ELAPOR2: variants seen among roughly 807,000 people sequenced by gnomAD.
The protein encoded by ELAPOR2 is endosome/lysosome-associated apoptosis and autophagy regulator family member 2.
In ELAPOR2, 89 loss-of-function variants were observed where a neutral mutation model predicts 120.7. The ratio of observed to expected loss-of-function variants is 0.74; its 90% CI spans 0.62 to 0.88. The LOEUF (loss-of-function observed/expected upper bound fraction) is 0.88, where lower values mean the gene tolerates loss of function less well. Ranked by LOEUF, ELAPOR2 falls within the 40% of genes least tolerant of loss-of-function variation. The pLI, the probability that ELAPOR2 is intolerant of heterozygous loss-of-function variation, is 0.00. For synonymous variants in ELAPOR2, 444 were observed against 444.9 expected (o/e 1.00, Z 0.03); for missense variants, 1,134 against 1,251.6 (o/e 0.91, Z 1.42).
chr7:87,014,177 G>A (rs983243249), intron 1 of ELAPOR2, among the ~76,000 whole-genome samples: 1 of 152,046 alleles, frequency 6.6e-6, no homozygotes, highest in African/African-American at 2.4e-5. Flanking sequence ...GCTGTTGGCT[G>A]TGAGTTCAAC....
At chr7:86,905,780 A>AC (rs1365161313) in intron 18 of ELAPOR2, among the ~76,000 whole-genome samples, 1 of 152,130 alleles carries the variant, frequency 6.6e-6, no homozygotes, top group Non-Finnish European at 1.5e-5. Context: ...CCAGAAATTA[A>AC]TTTTTTAAAT....
rs780520790 is a variant in ELAPOR2, at chr7:86,919,288, ATG to A, written c.1420_1421del (p.His474TyrfsTer9). 1 of 1,610,308 alleles carries A rather than the reference ATG, an allele frequency of 6.2e-7. No homozygotes were observed. Among genetic ancestry groups the A allele is most frequent in the Non-Finnish European group, 8.5e-7 (1 of 1,177,768 alleles). On this transcript the variant is annotated frameshift_variant, in exon 11 of 22. Transcript: ENST00000450689. LOFTEE classifies it high-confidence loss of function. Reference sequence around the variant, plus strand: ...CAGAACCTCCAGCCCCACTCTGGATATGATCTCCAGCCACCTCCCAACCTAGA... The same window carrying A: ...CAGAACCTCCAGCCCCACTCTGGATAATCTCCAGCCACCTCCCAACCTAGA... ...GMNGWEVAGD[H>X]IQSGAGGSDN...
intron 1 of ELAPOR2, among the ~76,000 whole-genome samples, chr7:87,030,090 G>C (rs569739252): frequency 6.6e-6 from 1 of 152,244 alleles, no homozygotes; most frequent in African/African-American, 2.4e-5. Flanking sequence ...GAAGAGATCA[G>C]GAAAACAAAG....
chr7:86,979,639 G>A (rs1451707888), intron 1 of ELAPOR2, among the ~76,000 whole-genome samples: 2 of 152,218 alleles, frequency 1.3e-5, no homozygotes, highest in African/African-American at 2.4e-5. Flanking sequence ...AGAATGTGGA[G>A]AGAATGCAAG....
intron 1 of ELAPOR2, among the ~76,000 whole-genome samples, chr7:86,990,530 T>C (rs1297987259): frequency 6.6e-6 from 1 of 152,160 alleles, no homozygotes; most frequent in African/African-American, 2.4e-5. Context: ...AAGAAATTAC[T>C]CAGTTTCAGG....
At position 86,908,517 on chromosome 7, in the gene ELAPOR2, T is replaced by C; in HGVS notation, c.2386A>G (p.Asn796Asp). Residue 796 changes from asparagine (N) to aspartate (D), a missense_variant, in exon 17 of 22, where the codon AAT (asparagine) becomes GAT (aspartate). Asn to Asp is a conservative substitution (Grantham distance 23, BLOSUM62 1). Coordinates refer to ENST00000450689, the MANE Select transcript of ELAPOR2 (RefSeq NM_001142749.3). ...AACATATCTTCTTTTATATTAATAT[T>C]TTTCAATGTGGTTTCAACTGTGACT... The part of the protein sequence containing the change: ...IGVTVETTLK[N>D]INIKEDMFPV... 6.4e-7 allele frequency: 1 copy of C among 1,571,534 alleles called. No homozygotes were observed. The highest frequency in any genetic ancestry group is 8.7e-7 in the Non-Finnish European group (1 of 1,155,250).
chr7:87,026,049 T>C (rs910895015), intron 1 of ELAPOR2, among the ~76,000 whole-genome samples: 2 of 152,140 alleles, frequency 1.3e-5, no homozygotes, highest in South Asian at 2.1e-4. Context: ...TACGCATATA[T>C]CTACTTCCAT....
At chr7:86,981,753 C>T (rs903366505) in intron 1 of ELAPOR2, among the ~76,000 whole-genome samples, 10 of 152,182 alleles carry the variant, frequency 6.6e-5, no homozygotes, top group South Asian at 2.1e-4. Context: ...ACGCAGAAGA[C>T]GGGTGATTTC....
At chr7:86,964,737 A>G (rs2116481747) in intron 2 of ELAPOR2, among the ~76,000 whole-genome samples, 167 bp downstream of exon 2, 1 of 152,340 alleles carries the variant, frequency 6.6e-6, no homozygotes, top group South Asian at 2.1e-4. Flanking sequence ...GACTTGAGAT[A>G]TAAGGACATC....
At chr7:87,008,353 A>G (rs768205781) in intron 1 of ELAPOR2, among the ~76,000 whole-genome samples, 9 of 152,246 alleles carry the variant, frequency 5.9e-5, no homozygotes, top group Non-Finnish European at 7.3e-5. Context: ...CTAAAGAGAC[A>G]TGATAAAGAA....
intron 1 of ELAPOR2, among the ~76,000 whole-genome samples, chr7:87,038,844 C>T (rs568419077): frequency 1.3e-4 from 20 of 151,456 alleles, no homozygotes; most frequent in Non-Finnish European, 2.7e-4. Context: ...AGAAAAAAAA[C>T]TTTAAATAAA....
chr7:87,043,146 G>C (rs1794838853), intron 1 of ELAPOR2, among the ~76,000 whole-genome samples: 1 of 151,738 alleles, frequency 6.6e-6, no homozygotes, highest in South Asian at 2.1e-4. Flanking sequence ...AAGAGTCCAG[G>C]ACCAGATGGA....
At chr7:86,970,183 A>G (rs1182989536) in intron 1 of ELAPOR2, among the ~76,000 whole-genome samples, 4 of 152,118 alleles carry the variant, frequency 2.6e-5, no homozygotes, top group Admixed American at 6.6e-5. Flanking sequence ...TTAAGAGTTG[A>G]CTGCAGTTAA....
At chr7:86,989,336 AT>A (rs1792862447) in intron 1 of ELAPOR2, among the ~76,000 whole-genome samples, 1 of 152,234 alleles carries the variant, frequency 6.6e-6, no homozygotes, top group African/African-American at 2.4e-5. Context: ...ATTCTTGCAC[AT>A]TGGCTTTTGT....
chr7:86,996,514 G>A lies in ELAPOR2; in HGVS notation c.190-31490C>T, dbSNP rs533879854. ...AGTATCATGAAATGAGAAGTGGAGA[G>A]GCCAAAACATGTAAGGCCTTAGATA... On this transcript the variant is annotated intron_variant, in intron 1 of 21. Coordinates refer to ENST00000450689, the MANE Select transcript of ELAPOR2 (RefSeq NM_001142749.3). Among the ~76,000 whole-genome samples, 5 of 152,240 alleles carry A rather than the reference G, an allele frequency of 3.3e-5. No homozygotes were observed. In the South Asian group the frequency reaches 1.0e-3, roughly 32 times the overall value.
chr7:86,997,249 T>C (rs1793156440), intron 1 of ELAPOR2, among the ~76,000 whole-genome samples: 1 of 152,150 alleles, frequency 6.6e-6, no homozygotes, highest in South Asian at 2.1e-4. Flanking sequence ...AATAATATTC[T>C]CCCTGCTGAA....
intron 1 of ELAPOR2, among the ~76,000 whole-genome samples, chr7:87,050,545 C>A (rs1795070266): frequency 6.6e-6 from 1 of 152,162 alleles, no homozygotes; most frequent in African/African-American, 2.4e-5. Flanking sequence ...CCTATAAAGC[C>A]TCCAGAACCA....
chr7:86,996,775 T>G (rs1793138319), intron 1 of ELAPOR2, among the ~76,000 whole-genome samples: 2 of 152,164 alleles, frequency 1.3e-5, no homozygotes, highest in South Asian at 4.1e-4. Flanking sequence ...GTATTCTGTC[T>G]TAGGAAACCC....
At chr7:86,938,083 G>T (rs1490560286) in intron 8 of ELAPOR2, 43 bp downstream of exon 8, 31 of 1,415,684 alleles carry the variant, frequency 2.2e-5, no homozygotes, top group Non-Finnish European at 2.8e-5. Context: ...TGGAAAGAAG[G>T]TTGCAAAAAT....
Sources: allele counts gnomAD v4.1 joint callset (sites outside exome capture counted in the v4.1 genomes callset), GRCh38; gene constraint gnomAD v4.1.1; transcripts MANE v1.5; gene names NCBI Gene and HGNC (gene_info 2026-07-23, HGNC 2026-07-21).